TRIM7: variants seen among roughly 807,000 people sequenced by gnomAD.
TRIM7 encodes the protein E3 ubiquitin-protein ligase TRIM7.
TRIM7 carries 32 observed loss-of-function variants against 37.9 expected under a neutral mutation model. The ratio of observed to expected loss-of-function variants is 0.84; its 90% confidence interval spans 0.64 to 1.13. The LOEUF (loss-of-function observed/expected upper bound fraction) is 1.13, where lower values mean the gene tolerates loss of function less well. Ranked by LOEUF, TRIM7 falls within the 50% of genes most tolerant of loss-of-function variation. The probability of loss-of-function intolerance (pLI) is 0.00; values close to 1 mark genes in which losing one functional copy is unlikely to be tolerated. For synonymous variants in TRIM7, 351 were observed against 321.3 expected (o/e 1.09, Z -0.99); for missense variants, 732 against 714.0 (o/e 1.03, Z -0.29).
At chr5:181,203,168 G>A (rs1757612970) in intron 2 of TRIM7, 3 of 668,622 alleles carry the variant, frequency 4.5e-6, no homozygotes, top group Non-Finnish European at 5.7e-6. Context: ...GCTCTTTATT[G>A]TATTAATATT....
chr5:181,199,149 C>G, intron 3 of TRIM7, 32 bp from the exon 4 acceptor site: 1 of 1,614,022 alleles, frequency 6.2e-7, no homozygotes, highest in Non-Finnish European at 8.5e-7. Flanking sequence ...ACCAAATCAG[C>G]ATCAGGTAAC....
chr5:181,204,931 C>A lies in TRIM7; in HGVS notation c.180G>T (p.Pro60=). The A allele has an allele frequency of 7.1e-7, 1 of 1,409,410 alleles. No individual in the cohort carries two copies. The highest frequency in any genetic ancestry group is 1.5e-5 in the South Asian group (1 of 66,170). The allele number at this position is 1,409,410 out of a possible 1,614,324, so 87.3% of individuals were successfully genotyped here. ...TGGCGGCCCCAACAGACCCCGCGCC[C>A]GGGCGCTCCCAGCAGCGCCCTATGC... ...RACIGRCWER[P]GAGSVGAATR... Residue 60 remains proline (P), a synonymous_variant, in exon 1 of 7, where the codon CCG becomes CCT. Coordinates refer to ENST00000274773, the MANE Select transcript of TRIM7 (RefSeq NM_203293.3).
intron 3 of TRIM7, 90 bp downstream of exon 3, chr5:181,199,761 C>T (rs1283994742): frequency 6.8e-7 from 1 of 1,470,312 alleles, no homozygotes; most frequent in Non-Finnish European, 9.0e-7. Context: ...TGTGATTCTC[C>T]TAGACCCCCC....
Position 181,198,277 on chromosome 5 carries a change from G to A in TRIM7, c.989-59C>T. On this transcript the variant is annotated intron_variant, in intron 5 of 6. Coordinates refer to ENST00000274773, the MANE Select transcript of TRIM7 (RefSeq NM_203293.3). ...GCGACACGGGAGATTATATGGCAAG[G>A]TCACCAGCTCTTTATATCCCAACTG... 3.2e-6 allele frequency: 5 copies of A among 1,558,864 alleles called. No individual in the cohort carries two copies. The Admixed American group carries it at 6.7e-5, about 21-fold the overall frequency.
At position 181,204,995 on chromosome 5, in the gene TRIM7, G is replaced by C. The variant is rs1319101546; in HGVS notation, c.116C>G (p.Pro39Arg). ...CSICLELFRE[P>R]VSVECGHSFC... is the part of the protein sequence containing the mutation. Reference sequence around the variant, plus strand: ...GCTGTGGCCGCACTCGACGGACACCGGCTCACGAAAGAGCTCTAGGCAGAT... The same window carrying C: ...GCTGTGGCCGCACTCGACGGACACCCGCTCACGAAAGAGCTCTAGGCAGAT... Residue 39 changes from proline to arginine, a missense_variant, in exon 1 of 7, where the codon CCG becomes CGG. Physicochemically the swap from Pro to Arg is moderately radical, Grantham distance 103. Transcript: ENST00000274773. 1.3e-6 allele frequency: 2 copies of C among 1,487,456 alleles called. No individual in the cohort carries two copies. The highest frequency in any genetic ancestry group is 2.3e-5 in the Admixed American group (1 of 43,014). 92.1% of individuals were successfully genotyped at this position (1,487,456 alleles called of 1,614,324 possible). A position where few individuals can be genotyped will look rare whatever the true frequency, so the allele number is the denominator to read the frequency against.
chr5:181,203,327 T>C, intron 2 of TRIM7: 1 of 1,351,038 alleles, frequency 7.4e-7, no homozygotes, highest in East Asian at 2.8e-5. Context: ...AAGCCAGTTG[T>C]TTTGCAATAA....
At position 181,195,349 on chromosome 5, in the gene TRIM7, C is replaced by T. The variant is rs200771114; in HGVS notation, c.1353G>A (p.Ser451=). 8.2e-6 allele frequency: 13 copies of T among 1,581,596 alleles called. No homozygotes were observed. In the African/African-American group the frequency reaches 1.5e-4, roughly 18 times the overall value. ...GCGACAGGTGCCCGCAGCTGAGGGG[C>T]GACCGCTCGGGGCTGGTCACGGCCC... is the stretch of plus-strand genomic sequence containing the variant. The part of the protein sequence containing the change: ...QYWAVTSPER[S]PLSCGHLSRV... The change falls in exon 7 of 7, where the codon TCG becomes TCA. Residue 451 remains serine, a synonymous_variant. Transcript: ENST00000274773.
chr5:181,195,856 C>G, intron 6 of TRIM7, 179 bp from the exon 7 acceptor site: 1 of 662,346 alleles, frequency 1.5e-6, no homozygotes, highest in Non-Finnish European at 2.3e-6. Flanking sequence ...TTTGCTTCCC[C>G]CCGCCCCGAC....
chr5:181,200,325 G>C (rs1757403763), intron 2 of TRIM7: 1 of 1,429,460 alleles, frequency 7.0e-7, no homozygotes, highest in Non-Finnish European at 9.1e-7. Flanking sequence ...GTGGACCTGT[G>C]CTCCATCACC....
rs188478218 is a variant in TRIM7, at chr5:181,203,342, T to A, written c.618+203A>T. The A allele has an allele frequency of 1.0e-3, 1,397 of 1,380,284 alleles. 12 individuals are homozygous for A. Among genetic ancestry groups the A allele is most frequent in the African/African-American group, 8.7e-3 (592 of 68,358 alleles). 85.5% of individuals were successfully genotyped at this position (1,380,284 alleles called of 1,614,324 possible). The stretch of plus-strand genomic sequence containing the variant: ...AAGCCAGTTGTTTTGCAATAATTAT[T>A]TTAGCACTGCTTTTCACTTTAAAAA... On this transcript the variant is annotated intron_variant, in intron 2 of 6. Coordinates refer to ENST00000274773, the MANE Select transcript of TRIM7 (RefSeq NM_203293.3).
In TRIM7 at chr5:181,198,571, A is replaced by G. The variant is rs1283415102; in HGVS notation, c.988+119T>C. 2.4e-5 allele frequency: 18 copies of G among 760,698 alleles called. No individual in the cohort carries two copies. The East Asian group carries it at 4.2e-4, about 18-fold the overall frequency. The allele number at this position is 760,698 out of a possible 1,614,324, so 47.1% of individuals were successfully genotyped here. On this transcript the variant is annotated intron_variant, in intron 5 of 6. Transcript: ENST00000274773. ...GCCCCTACACCAATCTGGCCATGGC[A>G]CAGCCAGCTCCTATTTTCACACACA...
At chr5:181,203,482 C>T (rs371887819) in intron 2 of TRIM7, 63 bp downstream of exon 2, 14 of 1,604,930 alleles carry the variant, frequency 8.7e-6, no homozygotes, top group Non-Finnish European at 1.1e-5. Context: ...CACACCGAGC[C>T]CTGGTGCTGA....
rs762593205 is a variant in TRIM7, at chr5:181,204,887, G to A, written c.224C>T (p.Pro75Leu). The A allele has an allele frequency of 1.8e-5, 25 of 1,369,544 alleles. No homozygotes were observed. The South Asian group carries it at 3.8e-4, about 21-fold the overall frequency. 84.8% of individuals were successfully genotyped at this position (1,369,544 alleles called of 1,614,324 possible). The change falls in exon 1 of 7, where the codon CCA becomes CTA. Residue 75 changes from proline (P) to leucine (L), a missense_variant. Coordinates refer to ENST00000274773, the MANE Select transcript of TRIM7 (RefSeq NM_203293.3). ...VGAATRAPPF[P>L]LPCPQCREPA... ...CTCGCGGCACTGCGGACAGGGCAGT[G>A]GGAAGGGGGGCGCGCGGGTGGCGGC...
chr5:181,198,075 TG>T, intron 6 of TRIM7, 107 bp downstream of exon 6: 1 of 1,194,850 alleles, frequency 8.4e-7, no homozygotes, highest in Non-Finnish European at 1.2e-6. Flanking sequence ...CTGAGGTGGG[TG>T]GGCTGAAGGA....
intron 2 of TRIM7, among the ~76,000 whole-genome samples, chr5:181,201,189 G>C (rs995316726): frequency 2.0e-4 from 31 of 152,158 alleles, no homozygotes; most frequent in Admixed American, 6.5e-4. Flanking sequence ...TTGGTTGTAG[G>C]GGGCTGCCCT....
Position 181,200,076 on chromosome 5 carries a change from C to A in TRIM7, c.624G>T (p.Gln208His), listed in dbSNP as rs544149971. 6.2e-7 allele frequency: 1 copy of A among 1,614,246 alleles called. No individual in the cohort carries two copies. Among genetic ancestry groups the A allele is most frequent in the Admixed American group, 1.7e-5 (1 of 60,038 alleles). The change falls in exon 3 of 7, where the codon CAG becomes CAT. Residue 208 changes from glutamine (Q) to histidine (H), a missense_variant. By Grantham distance (24) the Gln-to-His change is conservative (BLOSUM62 0). Coordinates refer to ENST00000274773, the MANE Select transcript of TRIM7 (RefSeq NM_203293.3). ...CCACCTTCTCCTGCTCCGCTGCCAT[C>A]TGTTTCTGTCCCAGGAGGAGAAGTT... The part of the protein sequence containing the change: ...EKKESKELLK[Q>H]MAAEQEKVGA...
Position 181,195,143 on chromosome 5 carries a change from C to A in TRIM7, c.*23G>T, listed in dbSNP as rs1465816999. 2 of 1,566,014 alleles carry A rather than the reference C, an allele frequency of 1.3e-6. No individual in the cohort carries two copies. The highest frequency in any genetic ancestry group is 1.2e-5 in the South Asian group (1 of 83,672). ...TCCCCTCCCACCGGCAGCCCAGAGA[C>A]AGGAGCTCCCCAGCAGTGCCCCTCA... On this transcript the variant is annotated 3_prime_UTR_variant, in exon 7 of 7. Transcript: ENST00000274773.
At chr5:181,196,889 AGGC>A (rs1757157224) in intron 6 of TRIM7, 3 of 152,186 alleles carry the variant, frequency 2.0e-5, no homozygotes, top group Admixed American at 2.0e-4. Context: ...CCAGGTGTAG[AGGC>A]TCATGCTTGT....
At chr5:181,196,465 G>C (rs1285369654) in intron 6 of TRIM7, 1 of 152,278 alleles carries the variant, frequency 6.6e-6, no homozygotes, top group Non-Finnish European at 1.5e-5. Flanking sequence ...CAGCACTTTG[G>C]GAGGCCAAGG....
Sources: allele counts gnomAD v4.1 joint callset (sites outside exome capture counted in the v4.1 genomes callset), GRCh38; gene constraint gnomAD v4.1.1; transcripts MANE v1.5; gene names NCBI Gene and HGNC (gene_info 2026-07-23, HGNC 2026-07-21).